The following LRIT3 variants were observed in gnomAD, a reference collection of about 807,000 sequenced individuals.
The protein encoded by LRIT3 is leucine rich repeat, Ig-like and transmembrane domains 3.
LRIT3 carries 14 observed loss-of-function variants against 22.6 expected under a neutral mutation model. The ratio of observed to expected loss-of-function variants is 0.62; its 90% CI spans 0.41 to 0.97. The LOEUF (loss-of-function observed/expected upper bound fraction) is 0.97, where lower values mean the gene tolerates loss of function less well. LRIT3 is among the 50% of genes least tolerant of loss of function. The probability of loss-of-function intolerance (pLI) is 0.00; values close to 1 mark genes in which losing one functional copy is unlikely to be tolerated. For missense variants in LRIT3, 783 were observed against 803.0 expected (o/e 0.98, Z 0.30); for synonymous variants, 306 against 304.5 (o/e 1.01, Z -0.05).
In LRIT3 at chr4:109,870,940, A is replaced by G. The variant is rs916427709; in HGVS notation, c.*151A>G. On this transcript the variant is annotated 3_prime_UTR_variant, in exon 4 of 4. Coordinates refer to ENST00000594814, the MANE Select transcript of LRIT3 (RefSeq NM_198506.5). ...AAGTATGTTTAAAAAATACCATGAG[A>G]CCTCTGAACTGAAAAGACAAATAAT... The G allele has an allele frequency of 1.0e-5, 7 of 695,678 alleles. No homozygotes were observed. Among genetic ancestry groups the G allele is most frequent in the Non-Finnish European group, 1.5e-5 (7 of 466,756 alleles). The allele number at this position is 695,678 out of a possible 1,614,324, so 43.1% of individuals were successfully genotyped here. A position where few individuals can be genotyped will look rare whatever the true frequency, so the allele number is the denominator to read the frequency against.
At position 109,869,710 on chromosome 4, in the gene LRIT3, A is replaced by G. The variant is rs765543287; in HGVS notation, c.961A>G (p.Lys321Glu). The G allele has an allele frequency of 6.2e-7, 1 of 1,604,678 alleles. No homozygotes were observed. Among genetic ancestry groups the G allele is most frequent in the East Asian group, 2.2e-5 (1 of 44,814 alleles). Residue 321 changes from lysine to glutamate, a missense_variant, in exon 4 of 4, where the codon AAA becomes GAA. By Grantham distance (56) the Lys-to-Glu change is moderately conservative. Transcript: ENST00000594814. ...SIMSLTGISS[K>E]DAGDYKCKAK... ...AATGAGCTTGACAGGCATTTCTTCC[A>G]AAGACGCTGGGGATTACAAATGTAA... is the stretch of plus-strand genomic sequence containing the variant.
rs758600887 is a variant in LRIT3 at position 109,871,076 on chromosome 4, C to A, written c.*287C>A. On this transcript the variant is annotated 3_prime_UTR_variant, in exon 4 of 4. Coordinates refer to ENST00000594814, the MANE Select transcript of LRIT3 (RefSeq NM_198506.5). ...ATGTTTTAGTTCTTAAAAATAAGTT[C>A]ATGTGAAAGTAGCAAGTGAACTCTG... 1.6e-5 allele frequency: 4 copies of A among 255,610 alleles called. No homozygotes were observed. Among genetic ancestry groups the A allele is most frequent in the Admixed American group, 5.1e-5 (1 of 19,436 alleles). The allele number at this position is 255,610 out of a possible 1,614,324, so 15.8% of individuals were successfully genotyped here.
chr4:109,863,326 T>C (rs1734595075), intron 2 of LRIT3, among the ~76,000 whole-genome samples: 1 of 152,212 alleles, frequency 6.6e-6, no homozygotes, highest in African/African-American at 2.4e-5. Flanking sequence ...AAATCCTGGC[T>C]GTCCAATTGT....
At chr4:109,865,133 A>G (rs1734644504) in intron 2 of LRIT3, 1 of 1,461,506 alleles carries the variant, frequency 6.8e-7, no homozygotes, top group African/African-American at 1.4e-5. Flanking sequence ...ATAGAACGTT[A>G]CGGCTGTAAA....
intron 2 of LRIT3, among the ~76,000 whole-genome samples, chr4:109,858,446 C>T (rs1320171955): frequency 6.6e-6 from 1 of 152,086 alleles, no homozygotes; most frequent in Non-Finnish European, 1.5e-5. Context: ...ATTTCTCTGT[C>T]TCGTTGTTGC....
intron 2 of LRIT3, among the ~76,000 whole-genome samples, chr4:109,864,722 T>C (rs1037355090): frequency 6.6e-6 from 1 of 152,196 alleles, no homozygotes. Flanking sequence ...ACTGAAAGGA[T>C]TTCAGCCTTT....
In LRIT3 at chr4:109,869,974, T is replaced by G. The variant is rs1212342751; in HGVS notation, c.1225T>G (p.Ser409Ala). The stretch of plus-strand genomic sequence containing the variant: ...TACTTTGTCTCCTCCCTCTACTGCT[T>G]CCTTCTCTTTATCTCCTTTCTCCTC... ...ASTLSPPSTASFSLSPFSSST... is the reference protein window; with the variant it reads ...ASTLSPPSTAAFSLSPFSSST... Residue 409 changes from serine (S) to alanine (A), a missense_variant, in exon 4 of 4, where the codon TCC (serine) becomes GCC (alanine). Around this residue, in one of 2 missense-constraint regions of LRIT3, gnomAD observed 756 missense variants for 753.8 expected, o/e 1.00. Transcript: ENST00000594814. The G allele has an allele frequency of 6.2e-7, 1 of 1,614,096 alleles. No individual in the cohort carries two copies. The highest frequency in any genetic ancestry group is 1.7e-5 in the Admixed American group (1 of 60,018).
At chr4:109,865,632 A>G (rs1220704429) in intron 2 of LRIT3, among the ~76,000 whole-genome samples, 1 of 152,210 alleles carries the variant, frequency 6.6e-6, no homozygotes, top group African/African-American at 2.4e-5. Context: ...TGAAATGACT[A>G]TATTTTACAA....
chr4:109,855,639 C>G (rs1734381922), intron 2 of LRIT3, among the ~76,000 whole-genome samples: 1 of 152,100 alleles, frequency 6.6e-6, no homozygotes, highest in Admixed American at 6.5e-5. Context: ...GTTAGGGTGT[C>G]AATTTTAGAT....
At chr4:109,859,995 G>A (rs1273804942) in intron 2 of LRIT3, among the ~76,000 whole-genome samples, 1 of 152,144 alleles carries the variant, frequency 6.6e-6, no homozygotes. Context: ...CATCAACTTA[G>A]TAAAATTGTC....
At chr4:109,864,066 T>A (rs1317257125) in intron 2 of LRIT3, among the ~76,000 whole-genome samples, 1 of 152,212 alleles carries the variant, frequency 6.6e-6, no homozygotes, top group African/African-American at 2.4e-5. Context: ...TGCTGGCAGA[T>A]TTAGAAATTA....
intron 2 of LRIT3, among the ~76,000 whole-genome samples, chr4:109,858,495 A>C (rs1656244622): frequency 6.6e-6 from 1 of 152,136 alleles, no homozygotes; most frequent in Admixed American, 6.5e-5. Flanking sequence ...TCTAGCAGTA[A>C]TCTAAACAGG....
chr4:109,858,234 A>G (rs1579376246), intron 2 of LRIT3, among the ~76,000 whole-genome samples: 1 of 152,164 alleles, frequency 6.6e-6, no homozygotes. Context: ...TATAGTTTTT[A>G]ACAGTCTATA....
chr4:109,864,232 G>A (rs1734623890), intron 2 of LRIT3, among the ~76,000 whole-genome samples: 1 of 152,076 alleles, frequency 6.6e-6, no homozygotes, highest in Admixed American at 6.5e-5. Flanking sequence ...ATTAAGGTGG[G>A]TGTTTACATG....
chr4:109,858,736 A>T (rs995575182), intron 2 of LRIT3, among the ~76,000 whole-genome samples: 3 of 151,902 alleles, frequency 2.0e-5, no homozygotes, highest in African/African-American at 7.3e-5. Context: ...TGAGGGGTAG[A>T]CTCCTTATCC....
chr4:109,851,709 C>T lies in LRIT3; in HGVS notation c.322C>T (p.His108Tyr). 3 of 1,551,716 alleles carry T rather than the reference C, an allele frequency of 1.9e-6. No individual in the cohort carries two copies. Among genetic ancestry groups the T allele is most frequent in the Non-Finnish European group, 1.7e-6 (2 of 1,146,988 alleles). ...CAGCTTTTACAACCTGAAGCAACTG[C>T]ATGAGTTGCGCTTGGATGGGAATTC... ...PSSFYNLKQL[H>Y]ELRLDGNSLA... The change falls in exon 2 of 4, where the codon CAT (histidine) becomes TAT (tyrosine). Residue 108 changes from histidine to tyrosine, a missense_variant. By Grantham distance (83) the His-to-Tyr change is moderately conservative. This residue lies in a region of LRIT3 where 756 missense variants were observed against 753.8 expected (regional missense o/e 1.00). Transcript: ENST00000594814.
In LRIT3 at chr4:109,849,512, A is replaced by T. The variant is rs148883266; in HGVS notation, c.116+1195A>T. 6.7e-4 allele frequency among the ~76,000 whole-genome samples: 102 copies of T among 152,392 alleles called. No individual in the cohort carries two copies. The East Asian group carries it at 0.018, about 28-fold the overall frequency. ...GAGACCAAATGACTTGTCCTAGATC[A>T]TATAATTGTGTTGATGTAGTAACTA... On this transcript the variant is annotated intron_variant, in intron 1 of 3. Coordinates refer to ENST00000594814, the MANE Select transcript of LRIT3 (RefSeq NM_198506.5).
chr4:109,848,327 T>C lies in LRIT3; in HGVS notation c.116+10T>C, dbSNP rs1734123646. 4 of 1,212,388 alleles carry C rather than the reference T, an allele frequency of 3.3e-6. No homozygotes were observed. Among genetic ancestry groups the C allele is most frequent in the African/African-American group, 1.6e-5 (1 of 64,008 alleles). 75.1% of individuals were successfully genotyped at this position (1,212,388 alleles called of 1,614,324 possible). A position where few individuals can be genotyped will look rare whatever the true frequency, so the allele number is the denominator to read the frequency against. On this transcript the variant is annotated intron_variant, in intron 1 of 3. Coordinates refer to ENST00000594814, the MANE Select transcript of LRIT3 (RefSeq NM_198506.5). The stretch of plus-strand genomic sequence containing the variant: ...ACGGCTCAGGATCAAGGTATGCTCC[T>C]CTGCTTGTTACTAAGTGTTCTCATT...
Position 109,848,360 on chromosome 4 carries a change from C to T in LRIT3, c.116+43C>T, listed in dbSNP as rs1202461785. 3.7e-6 allele frequency: 4 copies of T among 1,067,258 alleles called. No individual in the cohort carries two copies. The Admixed American group carries it at 1.3e-4, about 34-fold the overall frequency. The allele number at this position is 1,067,258 out of a possible 1,614,324, so 66.1% of individuals were successfully genotyped here. On this transcript the variant is annotated intron_variant, in intron 1 of 3. Coordinates refer to ENST00000594814, the MANE Select transcript of LRIT3 (RefSeq NM_198506.5). Reference sequence around the variant, plus strand: ...TTACTAAGTGTTCTCATTATTTTGACAAAAAGGACCCAAACAAGAAAGCCT... The same window carrying T: ...TTACTAAGTGTTCTCATTATTTTGATAAAAAGGACCCAAACAAGAAAGCCT...
Sources: gnomAD v4.1 joint callset for allele counts (sites outside exome capture counted in the v4.1 genomes callset) on GRCh38, gnomAD v4.1.1 for gene constraint, gnomAD v4.1.1 regional missense constraint, MANE v1.5 for transcripts, NCBI Gene and HGNC (gene_info 2026-07-23, HGNC 2026-07-21) for gene names.